The following USP47 variants were observed in gnomAD, a reference collection of about 807,000 sequenced individuals.
The protein encoded by USP47 is ubiquitin specific peptidase 47, also known as ubiquitin carboxyl-terminal hydrolase 47.
In USP47, 35 loss-of-function variants were observed where a neutral mutation model predicts 165.1. That is an observed-to-expected ratio of 0.21 (90% CI 0.16 to 0.28). The LOEUF is 0.28. Among genes scored for constraint, USP47 ranks in the 10% least tolerant of loss-of-function variants. USP47 has a pLI of 1.00. For synonymous variants in USP47, 531 were observed against 544.5 expected (o/e 0.98, Z 0.35); for missense variants, 1,277 against 1,607.4 (o/e 0.79, Z 3.52).
intron 20 of USP47, among the ~76,000 whole-genome samples, chr11:11,945,884 A>G (rs1182511608): frequency 6.6e-6 from 1 of 151,634 alleles, no homozygotes; most frequent in Admixed American, 6.6e-5. Flanking sequence ...GCAGTGAGCT[A>G]TGATCGTACC....
In USP47 at chr11:11,902,815, G is replaced by C. The variant is rs781077785; in HGVS notation, c.694G>C (p.Glu232Gln). The change falls in exon 6 of 28, where the codon GAA becomes CAA. Residue 232 changes from glutamate to glutamine, a missense_variant. Physicochemically the swap from Glu to Gln is conservative, Grantham distance 29. This residue lies in a region of USP47 where 175 missense variants were observed against 295.8 expected (regional missense o/e 0.59). Coordinates refer to ENST00000527733, the MANE Select transcript of USP47 (RefSeq NM_001282659.2). ...LLQTSKKRAI[E>Q]TTDVTRSFGW... ...ACAAACCAGCAAAAAGAGAGCAATT[G>C]AAACCACAGATGTTACAAGGAGCTT... The C allele has an allele frequency of 5.0e-6, 8 of 1,603,220 alleles. No homozygotes were observed. The highest frequency in any genetic ancestry group is 3.4e-5 in the Admixed American group (2 of 59,248).
chr11:11,918,937 C>T (rs907269011), intron 8 of USP47, among the ~76,000 whole-genome samples: 3 of 151,674 alleles, frequency 2.0e-5, no homozygotes, highest in Admixed American at 2.0e-4. Flanking sequence ...TAGAACTTTC[C>T]TTTTTCCCCC....
At chr11:11,925,489 T>A (rs1854171225) in intron 11 of USP47, among the ~76,000 whole-genome samples, 1 of 152,212 alleles carries the variant, frequency 6.6e-6, no homozygotes, top group South Asian at 2.1e-4. Context: ...TCTTTGACAC[T>A]ATTGTAAATG....
chr11:11,918,497 T>C (rs1158876519), intron 8 of USP47, among the ~76,000 whole-genome samples: 1 of 152,130 alleles, frequency 6.6e-6, no homozygotes, highest in Admixed American at 6.6e-5. Context: ...AATATCTTTA[T>C]TCTTAAAAAG....
chr11:11,843,211 A>G (rs1478752382), intron 1 of USP47, among the ~76,000 whole-genome samples: 1 of 152,166 alleles, frequency 6.6e-6, no homozygotes. Context: ...TGCCTGTTTT[A>G]CTTGTTTTGT....
rs191025527 is a variant in USP47, at chr11:11,922,894, A to G, written c.1386+3A>G. 144 of 1,608,732 alleles carry G rather than the reference A, an allele frequency of 9.0e-5. No homozygotes were observed. The African/African-American group carries it at 1.7e-3, about 19-fold the overall frequency. ...TCTCAAAATCTGGACTTGAAAAGGT[A>G]CCTTTTATAGTTTGCATTTTTTAGT... On this transcript the variant is annotated splice_donor_region_variant and intron_variant, in intron 11 of 27. Coordinates refer to ENST00000527733, the MANE Select transcript of USP47 (RefSeq NM_001282659.2).
chr11:11,934,065 T>C, intron 16 of USP47, 130 bp downstream of exon 16: 3 of 655,058 alleles, frequency 4.6e-6, no homozygotes, highest in Middle Eastern at 4.3e-4. Flanking sequence ...AATTTATCTC[T>C]TACCGAGTAT....
At chr11:11,930,421 CT>C (rs1590403795) in intron 13 of USP47, among the ~76,000 whole-genome samples, 1 of 152,136 alleles carries the variant, frequency 6.6e-6, no homozygotes, top group East Asian at 1.9e-4. Context: ...TTGCTGGCCC[CT>C]GACTTAACTG....
chr11:11,897,487 G>A (rs991024321), intron 4 of USP47, 110 bp from the exon 5 acceptor site: 2 of 758,340 alleles, frequency 2.6e-6, no homozygotes, highest in South Asian at 4.6e-5. Flanking sequence ...ATTTCCAAAT[G>A]AGTAGTAACT....
chr11:11,891,580 C>T (rs1318946946), intron 3 of USP47, among the ~76,000 whole-genome samples: 1 of 152,170 alleles, frequency 6.6e-6, no homozygotes, highest in Admixed American at 6.6e-5. Context: ...GCTTGTGCTG[C>T]TTTTATGTCC....
intron 14 of USP47, among the ~76,000 whole-genome samples, chr11:11,932,066 A>G (rs895997263): frequency 1.3e-5 from 2 of 152,228 alleles, no homozygotes; most frequent in African/African-American, 4.8e-5. Flanking sequence ...TGCAGGAAGC[A>G]TGATGCTAGC....
chr11:11,948,369 C>G lies in USP47; in HGVS notation c.3268-109C>G, dbSNP rs552337995. On this transcript the variant is annotated intron_variant, in intron 21 of 27. Transcript: ENST00000527733. ...TTCAGAGGTAAAAGATATGCCTGTT[C>G]TCAGAGAGCCTATAATCTAGAGTAT... The G allele has an allele frequency of 3.1e-5, 30 of 964,026 alleles. No individual in the cohort carries two copies. In the South Asian group the frequency reaches 4.1e-4, roughly 13 times the overall value. The allele number at this position is 964,026 out of a possible 1,614,324, so 59.7% of individuals were successfully genotyped here. A position where few individuals can be genotyped will look rare whatever the true frequency, so the allele number is the denominator to read the frequency against.
chr11:11,924,519 T>A (rs1854095050), intron 11 of USP47, among the ~76,000 whole-genome samples: 1 of 152,194 alleles, frequency 6.6e-6, no homozygotes, highest in Non-Finnish European at 1.5e-5. Flanking sequence ...TTGGAAGAGA[T>A]TGTGGAAACT....
intron 11 of USP47, among the ~76,000 whole-genome samples, chr11:11,925,859 A>G (rs996518456): frequency 2.6e-5 from 4 of 152,126 alleles, no homozygotes; most frequent in Non-Finnish European, 5.9e-5. Flanking sequence ...ACCATTTAAT[A>G]TGATGGTAGC....
chr11:11,905,260 G>T, intron 7 of USP47, 139 bp from the exon 8 acceptor site: 1 of 296,360 alleles, frequency 3.4e-6, no homozygotes. Flanking sequence ...AATAAATATA[G>T]ATAAATATTA....
At chr11:11,877,030 G>C (rs1035574282) in intron 1 of USP47, among the ~76,000 whole-genome samples, 2 of 152,070 alleles carry the variant, frequency 1.3e-5, no homozygotes, top group Non-Finnish European at 2.9e-5. Context: ...AATTAAGAAA[G>C]ATAGCTGCCC....
In USP47 at chr11:11,841,990, AGCGGCGGCG is replaced by A. The variant is rs879556356; in HGVS notation, c.-185_-177del. On this transcript the variant is annotated 5_prime_UTR_variant, in exon 1 of 28. Coordinates refer to ENST00000527733, the MANE Select transcript of USP47 (RefSeq NM_001282659.2). The stretch of plus-strand genomic sequence containing the variant: ...GGCCGACGACGAAGGCGGCTGTGGT[AGCGGCGGCG>A]GCGGCGGCGGAGCCCTGGGTCGGTG... 1.9e-6 allele frequency: 1 copy of A among 531,352 alleles called. No homozygotes were observed. Among genetic ancestry groups the A allele is most frequent in the Non-Finnish European group, 3.2e-6 (1 of 309,266 alleles). The allele number at this position is 531,352 out of a possible 1,614,324, so 32.9% of individuals were successfully genotyped here.
At chr11:11,903,192 C>T in intron 6 of USP47, 71 bp from the exon 7 acceptor site, 2 of 1,439,382 alleles carry the variant, frequency 1.4e-6, no homozygotes, top group Non-Finnish European at 1.9e-6. Flanking sequence ...TGTCTATTTG[C>T]TTTTAAACAA....
chr11:11,873,916 G>A (rs1850231015), intron 1 of USP47: 2 of 1,054,282 alleles, frequency 1.9e-6, no homozygotes, highest in Non-Finnish European at 2.6e-6. Flanking sequence ...GTAACAGCAT[G>A]TTAGTATTTT....
Sources: allele counts gnomAD v4.1 joint callset (sites outside exome capture counted in the v4.1 genomes callset), GRCh38; gene constraint gnomAD v4.1.1; regional missense constraint gnomAD v4.1.1; transcripts MANE v1.5; gene names NCBI Gene and HGNC (gene_info 2026-07-23, HGNC 2026-07-21).